Variants in NDST4 observed in about 807,000 individuals in gnomAD.
NDST4 encodes the protein N-deacetylase and N-sulfotransferase 4.
In NDST4, 63 loss-of-function variants were observed where a neutral mutation model predicts 100.8. The ratio of observed to expected loss-of-function variants is 0.62; its 90% CI spans 0.51 to 0.77. The LOEUF (loss-of-function observed/expected upper bound fraction) is 0.77, where lower values mean the gene tolerates loss of function less well. Ranked by LOEUF, NDST4 falls within the 30% of genes least tolerant of loss-of-function variation. The pLI is 0.00. For synonymous variants in NDST4, 377 were observed against 361.8 expected (o/e 1.04, Z -0.48); for missense variants, 943 against 1,018.4 (o/e 0.93, Z 1.01).
At chr4:115,098,737 C>T (rs1479644786) in intron 1 of NDST4, among the ~76,000 whole-genome samples, 1 of 152,154 alleles carries the variant, frequency 6.6e-6, no homozygotes, top group Non-Finnish European at 1.5e-5. Flanking sequence ...CTCTGTCACC[C>T]AGGCTGGAGT....
rs114256422 is a variant in NDST4 at position 115,056,005 on chromosome 4, C to G, written c.978+20054G>C. On this transcript the variant is annotated intron_variant, in intron 2 of 13. Coordinates refer to ENST00000264363, the MANE Select transcript of NDST4 (RefSeq NM_022569.3). ...GTAAAATGTTCAAATTTGAAAAATA[C>G]TAATAAGGGCATTACTGATAATATA... is the stretch of plus-strand genomic sequence containing the variant. Among the ~76,000 whole-genome samples the G allele has an allele frequency of 1.5e-3, 223 of 152,056 alleles. 1 individual carries two copies. The highest frequency in any genetic ancestry group is 5.3e-3 in the African/African-American group (221 of 41,472).
intron 1 of NDST4, among the ~76,000 whole-genome samples, chr4:115,083,934 T>A (rs977186145): frequency 6.6e-6 from 1 of 152,074 alleles, no homozygotes; most frequent in Admixed American, 6.6e-5. Flanking sequence ...ACTAATACAC[T>A]AAGCAAGTAC....
At chr4:114,966,678 C>A (rs1726389615) in intron 4 of NDST4, among the ~76,000 whole-genome samples, 1 of 151,960 alleles carries the variant, frequency 6.6e-6, no homozygotes, top group Non-Finnish European at 1.5e-5. Context: ...TGATTTTTAT[C>A]TGTATGAATT....
chr4:115,010,958 A>G (rs1292622031), intron 2 of NDST4, among the ~76,000 whole-genome samples: 3 of 152,092 alleles, frequency 2.0e-5, no homozygotes, highest in African/African-American at 7.2e-5. Flanking sequence ...GCACAGGTTC[A>G]GAATTAAACA....
intron 1 of NDST4, among the ~76,000 whole-genome samples, chr4:115,107,836 C>T (rs1481190921): frequency 6.6e-6 from 1 of 151,664 alleles, no homozygotes; most frequent in Non-Finnish European, 1.5e-5. Context: ...TTTTTTCTGT[C>T]TAAGGTGAAA....
chr4:114,925,508 C>T (rs1408708127), intron 6 of NDST4, among the ~76,000 whole-genome samples: 1 of 152,098 alleles, frequency 6.6e-6, no homozygotes. Context: ...CTATTAGATT[C>T]CATGAACTCA....
At chr4:114,889,514 A>G (rs1724548161) in intron 6 of NDST4, among the ~76,000 whole-genome samples, 1 of 152,238 alleles carries the variant, frequency 6.6e-6, no homozygotes, top group Non-Finnish European at 1.5e-5. Flanking sequence ...ACTTGTGTTC[A>G]CATTAGGTAA....
chr4:114,972,253 T>C (rs909188051), intron 3 of NDST4, among the ~76,000 whole-genome samples: 11 of 152,014 alleles, frequency 7.2e-5, no homozygotes, highest in African/African-American at 2.7e-4. Flanking sequence ...CAGCTTCACA[T>C]GGCCACCAAA....
intron 2 of NDST4, among the ~76,000 whole-genome samples, chr4:114,994,160 G>GA (rs574161392): frequency 1.3e-5 from 2 of 151,816 alleles, no homozygotes; most frequent in Non-Finnish European, 2.9e-5. Context: ...ATCTTAGCAA[G>GA]AAAAAAATAA....
chr4:114,963,487 A>G (rs983424169), intron 4 of NDST4, among the ~76,000 whole-genome samples: 2 of 152,152 alleles, frequency 1.3e-5, no homozygotes, highest in East Asian at 3.9e-4. Flanking sequence ...GTTGATGAAA[A>G]TGTTCTAAAA....
intron 2 of NDST4, among the ~76,000 whole-genome samples, chr4:114,989,336 T>C (rs970030872): frequency 1.1e-4 from 16 of 152,224 alleles, no homozygotes; most frequent in Admixed American, 3.3e-4. Flanking sequence ...ACCTTTGACA[T>C]TATTTCTTTA....
chr4:115,084,077 C>T (rs1273088462), intron 1 of NDST4, among the ~76,000 whole-genome samples: 5 of 152,066 alleles, frequency 3.3e-5, no homozygotes, highest in Admixed American at 3.3e-4. Context: ...TTTGGAACTT[C>T]CTAGAGATTT....
chr4:115,062,641 T>C (rs1403948308), intron 2 of NDST4, among the ~76,000 whole-genome samples: 1 of 151,196 alleles, frequency 6.6e-6, no homozygotes, highest in Non-Finnish European at 1.5e-5. Flanking sequence ...AAAATTAATA[T>C]AAAATATAAA....
intron 6 of NDST4, among the ~76,000 whole-genome samples, chr4:114,931,175 T>C (rs1323301539): frequency 7.9e-5 from 12 of 151,678 alleles, no homozygotes; most frequent in Admixed American, 7.9e-4. Context: ...GTCATTACTA[T>C]AATTAAAAAT....
intron 2 of NDST4, among the ~76,000 whole-genome samples, chr4:115,049,071 TG>T (rs1353714884): frequency 6.6e-6 from 1 of 152,222 alleles, no homozygotes; most frequent in African/African-American, 2.4e-5. Context: ...TGATTGAGGA[TG>T]TTCAATTATT....
chr4:114,834,728 G>A (rs1263686386), intron 11 of NDST4, among the ~76,000 whole-genome samples: 2 of 152,244 alleles, frequency 1.3e-5, no homozygotes, highest in East Asian at 3.9e-4. Flanking sequence ...ATTCGGCTGT[G>A]AAGCAGTCTG....
chr4:115,015,249 A>C (rs1175807822), intron 2 of NDST4, among the ~76,000 whole-genome samples: 1 of 152,106 alleles, frequency 6.6e-6, no homozygotes, highest in Non-Finnish European at 1.5e-5. Flanking sequence ...ATCTATGATC[A>C]TCAAACAGAG....
intron 10 of NDST4, among the ~76,000 whole-genome samples, chr4:114,842,055 A>C (rs1341069560): frequency 6.6e-6 from 1 of 152,172 alleles, no homozygotes; most frequent in Non-Finnish European, 1.5e-5. Context: ...TTGTATATGC[A>C]CTAAATTCGT....
At chr4:114,839,261 T>C (rs1385891711) in intron 11 of NDST4, 117 bp downstream of exon 11, 12 of 875,586 alleles carry the variant, frequency 1.4e-5, no homozygotes, top group Admixed American at 2.9e-5. Context: ...TTTCTGCTTG[T>C]CAGTGCAATA....
Sources: allele counts gnomAD v4.1 joint callset (sites outside exome capture counted in the v4.1 genomes callset), GRCh38; gene constraint gnomAD v4.1.1; transcripts MANE v1.5; gene names NCBI Gene and HGNC (gene_info 2026-07-23, HGNC 2026-07-21).